Variants in TTC39A observed in about 807,000 individuals in gnomAD.
TTC39A encodes the protein tetratricopeptide repeat domain 39A.
TTC39A carries 46 observed loss-of-function variants against 82.3 expected under a neutral mutation model. The ratio of observed to expected loss-of-function variants is 0.56; its 90% CI spans 0.44 to 0.71. The LOEUF (loss-of-function observed/expected upper bound fraction) is 0.71, where lower values mean the gene tolerates loss of function less well. TTC39A is among the 30% of genes least tolerant of loss of function. The probability of loss-of-function intolerance (pLI) is 0.00; values close to 1 mark genes in which losing one functional copy is unlikely to be tolerated. For synonymous variants in TTC39A, 254 were observed against 275.2 expected, an observed-to-expected ratio of 0.92 and a Z score of 0.76; for missense variants, 543 against 712.9, an observed-to-expected ratio of 0.76 and a Z score of 2.71.
At chr1:51,335,695 C>T (rs1027756851), upstream of TTC39A, among the ~76,000 whole-genome samples, 3 of 152,126 alleles carry the variant, frequency 2.0e-5, no homozygotes, top group East Asian at 1.9e-4. Flanking sequence ...AACATCTAGC[C>T]GTAGCTCGAA....
intron 15 of TTC39A, 84 bp from the exon 16 acceptor site, chr1:51,290,203 T>C: frequency 7.9e-7 from 1 of 1,261,348 alleles, no homozygotes; most frequent in Non-Finnish European, 1.1e-6. Flanking sequence ...TTGTGCTAGG[T>C]CAAAGGGACA....
exon 1 of TTC39A, chr1:51,345,110 C>A (rs1646082581): frequency 3.4e-6 from 4 of 1,182,224 alleles, no homozygotes; most frequent in Non-Finnish European, 4.3e-6. Context: ...GCCGTGGAGG[C>A]TACAGTGGCA....
At chr1:51,344,959 C>T in intron 1 of TTC39A, 1 of 1,526,386 alleles carries the variant, frequency 6.6e-7, no homozygotes, top group African/African-American at 1.4e-5. Context: ...CCCGTCCGCG[C>T]CTTCCGCCGA....
At chr1:51,312,495 G>A (rs1480764049) in intron 3 of TTC39A, among the ~76,000 whole-genome samples, 1 of 152,164 alleles carries the variant, frequency 6.6e-6, no homozygotes, top group Non-Finnish European at 1.5e-5. Context: ...GCTCCTGGCA[G>A]CTCCCAACCT....
rs552838556 is a variant in TTC39A at position 51,340,332 on chromosome 1, G to T, written c.53+4659C>A. On this transcript the variant is annotated intron_variant, in intron 1 of 5. Coordinates refer to the TTC39A transcript ENST00000401051. ...CCACAACTCAGGAGAGTGGTGGGTG[G>T]CACAGGCCCCGAGAGGGTCCATGAG... 5.3e-5 allele frequency among the ~76,000 whole-genome samples: 8 copies of T among 152,306 alleles called. No individual in the cohort carries two copies. In the East Asian group the frequency reaches 1.5e-3, roughly 29 times the overall value.
rs56113939 is a variant in TTC39A at position 51,321,388 on chromosome 1, C to G, written c.146+333G>C. Among the ~76,000 whole-genome samples, 9,073 of 152,212 alleles carry G rather than the reference C, an allele frequency of 0.06. 350 individuals carry two copies. Among genetic ancestry groups the G allele is most frequent in the Non-Finnish European group, 0.093 (6,311 of 68,022 alleles). ...TAAAACACCCAGGAAAGCAGGCAAC[C>G]TAAGTCTTTAGTGCTTTGGGGAAAA... On this transcript the variant is annotated intron_variant, in intron 2 of 17. Coordinates refer to ENST00000680483, the MANE Select transcript of TTC39A (RefSeq NM_001297663.2). This position sits in a 1 kb window ranked among gnomAD's most constrained non-coding sequence, Gnocchi z 4.6.
chr1:51,293,212 C>T (rs1644289285), intron 14 of TTC39A, among the ~76,000 whole-genome samples: 1 of 152,078 alleles, frequency 6.6e-6, no homozygotes, highest in African/African-American at 2.4e-5. Context: ...GGATTACAGG[C>T]ATGCGCCACC....
chr1:51,322,182 G>A (rs748953298), intron 1 of TTC39A: 34 of 1,534,074 alleles, frequency 2.2e-5, no homozygotes, highest in Non-Finnish European at 2.7e-5. Context: ...TGCCCCCCCA[G>A]GGGGTGCAGC....
chr1:51,326,361 T>C (rs914543822), intron 1 of TTC39A, among the ~76,000 whole-genome samples: 2 of 152,100 alleles, frequency 1.3e-5, no homozygotes, highest in Non-Finnish European at 2.9e-5. Flanking sequence ...CACACAGGGC[T>C]GGAGGCATGA....
intron 1 of TTC39A, chr1:51,322,177 C>T (rs1557737717): frequency 2.6e-6 from 4 of 1,542,464 alleles, no homozygotes; most frequent in South Asian, 1.2e-5. Flanking sequence ...TCTGCTGCCC[C>T]CCCAGGGGGT....
chr1:51,311,313 G>A lies in TTC39A; in HGVS notation c.364C>T (p.His122Tyr). The A allele has an allele frequency of 6.3e-7, 1 of 1,579,398 alleles. No individual in the cohort carries two copies. Among genetic ancestry groups the A allele is most frequent in the Non-Finnish European group, 8.6e-7 (1 of 1,162,998 alleles). The change falls in exon 5 of 18, where the codon CAC (histidine) becomes TAC (tyrosine). Residue 122 changes from histidine (H) to tyrosine (Y), a missense_variant. Physicochemically the swap from His to Tyr is moderately conservative, Grantham distance 83. Transcript: ENST00000680483. ...CACTCTGCATAGCAGACCTCAGCGT[G>A]GATTTCCTCTGTGGGGAGAAAACCA... Reference protein sequence around the residue: ...TLGQFTEEEIHAEVCYAECLL... With the variant: ...TLGQFTEEEIYAEVCYAECLL...
chr1:51,340,703 G>A lies in TTC39A; in HGVS notation c.53+4288C>T, dbSNP rs965882018. Reference sequence around the variant, plus strand: ...CCTCTTATAATCATCACTCGCGCTGGTATAGCAGCATGCCGTGCAGTGCTT... The same window carrying A: ...CCTCTTATAATCATCACTCGCGCTGATATAGCAGCATGCCGTGCAGTGCTT... On this transcript the variant is annotated intron_variant, in intron 1 of 5. Transcript: ENST00000401051. Among the ~76,000 whole-genome samples the A allele has an allele frequency of 4.6e-5, 7 of 152,194 alleles. No individual in the cohort carries two copies. The South Asian group carries it at 1.0e-3, about 22-fold the overall frequency.
At chr1:51,331,048 C>G, upstream of TTC39A, 1 of 853,414 alleles carries the variant, frequency 1.2e-6, no homozygotes, top group East Asian at 2.6e-5. Context: ...GCACTCACTG[C>G]TAGCTGGCAG....
rs1340303456 is a variant in TTC39A at position 51,330,193 on chromosome 1, G to C, written c.41+244C>G. ...AACGTGTCTGTGACTACAGCTCCGT[G>C]AGAAAGTTGGGACCCAGAAGGTGAG... On this transcript the variant is annotated intron_variant, in intron 1 of 17. Transcript: ENST00000680483. The surrounding 1 kb of genome is among the most constrained non-coding windows in gnomAD (Gnocchi z 4.5). The C allele has an allele frequency of 2.0e-6, 2 of 985,480 alleles. No individual in the cohort carries two copies. Among genetic ancestry groups the C allele is most frequent in the Admixed American group, 6.1e-5 (1 of 16,276 alleles). 61.0% of individuals were successfully genotyped at this position (985,480 alleles called of 1,614,324 possible). A position where few individuals can be genotyped will look rare whatever the true frequency, so the allele number is the denominator to read the frequency against.
chr1:51,300,055 C>T (rs2148162339), intron 12 of TTC39A: 1 of 152,354 alleles, frequency 6.6e-6, no homozygotes, highest in Non-Finnish European at 1.5e-5. Flanking sequence ...AGGGCAAGCC[C>T]CGACTCCTCA....
intron 2 of TTC39A, among the ~76,000 whole-genome samples, chr1:51,319,879 C>T (rs1210971492): frequency 6.6e-6 from 1 of 151,964 alleles, no homozygotes. Context: ...TTAGTAGCGA[C>T]GAGGTTTCAC....
chr1:51,314,391 A>C (rs1645206070), intron 2 of TTC39A, among the ~76,000 whole-genome samples: 1 of 152,142 alleles, frequency 6.6e-6, no homozygotes, highest in South Asian at 2.1e-4. Context: ...TCTCCTCGTG[A>C]ATTATTTATG....
chr1:51,311,329 G>A lies in TTC39A; in HGVS notation c.356-8C>T, dbSNP rs1387464700. On this transcript the variant is annotated splice_region_variant and splice_polypyrimidine_tract_variant and intron_variant, in intron 4 of 17. Coordinates refer to ENST00000680483, the MANE Select transcript of TTC39A (RefSeq NM_001297663.2). Reference sequence around the variant, plus strand: ...CCTCAGCGTGGATTTCCTCTGTGGGGAGAAAACCAAAGCCCCGTGGCCTCC... The same window carrying A: ...CCTCAGCGTGGATTTCCTCTGTGGGAAGAAAACCAAAGCCCCGTGGCCTCC... The A allele has an allele frequency of 1.9e-6, 3 of 1,570,046 alleles. No individual in the cohort carries two copies. The highest frequency in any genetic ancestry group is 2.3e-5 in the South Asian group (2 of 85,280).
chr1:51,331,579 C>T (rs1645911874), upstream of TTC39A: 1 of 985,276 alleles, frequency 1.0e-6, no homozygotes, highest in Non-Finnish European at 1.2e-6. Flanking sequence ...GGGAACAGGA[C>T]TTGTACCAGA....
Sources: allele counts gnomAD v4.1 joint callset (sites outside exome capture counted in the v4.1 genomes callset), GRCh38; gene constraint gnomAD v4.1.1; non-coding constraint Gnocchi (gnomAD v3.1); transcripts MANE v1.5; gene names NCBI Gene and HGNC (gene_info 2026-07-23, HGNC 2026-07-21).